Variants in PTPRR observed in about 807,000 individuals in gnomAD.
PTPRR encodes the protein receptor-type tyrosine-protein phosphatase R.
In PTPRR, 38 loss-of-function variants were observed where a neutral mutation model predicts 77.2. The ratio of observed to expected loss-of-function variants is 0.49; its 90% CI spans 0.38 to 0.65. PTPRR has a LOEUF of 0.65. PTPRR is among the 30% of genes least tolerant of loss of function. PTPRR has a pLI of 0.00. For synonymous variants in PTPRR, 299 were observed against 283.1 expected (o/e 1.06, Z -0.57); for missense variants, 744 against 799.2 (o/e 0.93, Z 0.83).
chr12:70,880,258 T>A (rs903104892), intron 2 of PTPRR, among the ~76,000 whole-genome samples: 7 of 152,104 alleles, frequency 4.6e-5, no homozygotes, highest in African/African-American at 1.4e-4. Flanking sequence ...GAGTATCACT[T>A]TTTTTTATAA....
At chr12:70,643,357 G>C (rs1385219753) in intron 13 of PTPRR, among the ~76,000 whole-genome samples, 1 of 151,888 alleles carries the variant, frequency 6.6e-6, no homozygotes, top group Non-Finnish European at 1.5e-5. Context: ...TTTTTTAAGA[G>C]AGAGAGAGGG....
At chr12:70,752,844 A>T (rs1204173128) in intron 5 of PTPRR, among the ~76,000 whole-genome samples, 2 of 152,174 alleles carry the variant, frequency 1.3e-5, no homozygotes, top group Non-Finnish European at 2.9e-5. Flanking sequence ...AATGCAATTA[A>T]CCATAACAAG....
At chr12:70,746,375 A>C (rs1890215244) in intron 5 of PTPRR, among the ~76,000 whole-genome samples, 1 of 152,222 alleles carries the variant, frequency 6.6e-6, no homozygotes, top group Non-Finnish European at 1.5e-5. Context: ...GAAAAATGCC[A>C]GATGTTAGTT....
intron 11 of PTPRR, chr12:70,661,312 T>C (rs1337133387): frequency 3.3e-5 from 21 of 629,380 alleles, no homozygotes; most frequent in Non-Finnish European, 5.8e-5. Flanking sequence ...CATACCTTTG[T>C]TGAGATTTAC....
intron 6 of PTPRR, among the ~76,000 whole-genome samples, chr12:70,737,440 A>G (rs1490008295): frequency 2.6e-5 from 4 of 152,018 alleles, no homozygotes; most frequent in Admixed American, 2.0e-4. Context: ...ATTTGACAGA[A>G]AATGAGAGAG....
intron 2 of PTPRR, among the ~76,000 whole-genome samples, chr12:70,807,376 T>A (rs1891728875): frequency 6.6e-6 from 1 of 152,142 alleles, no homozygotes; most frequent in Admixed American, 6.5e-5. Context: ...GCCCACCTTT[T>A]AAAAAAATGC....
intron 2 of PTPRR, among the ~76,000 whole-genome samples, chr12:70,853,110 C>T (rs1892597565): frequency 6.6e-6 from 1 of 152,150 alleles, no homozygotes; most frequent in African/African-American, 2.4e-5. Flanking sequence ...GGAGGAGAAA[C>T]AGGAACACAA....
intron 2 of PTPRR, among the ~76,000 whole-genome samples, chr12:70,775,148 A>C (rs1891062341): frequency 6.6e-6 from 1 of 152,244 alleles, no homozygotes; most frequent in Non-Finnish European, 1.5e-5. Context: ...GAGTTACTAC[A>C]TAAGAACAAT....
At chr12:70,838,015 G>T (rs956633170) in intron 2 of PTPRR, among the ~76,000 whole-genome samples, 3 of 152,034 alleles carry the variant, frequency 2.0e-5, no homozygotes, top group African/African-American at 7.2e-5. Context: ...ATATTACAGT[G>T]GAATATTATG....
intron 2 of PTPRR, among the ~76,000 whole-genome samples, chr12:70,803,479 C>G (rs1040329353): frequency 2.6e-5 from 4 of 152,088 alleles, no homozygotes; most frequent in Non-Finnish European, 2.9e-5. Context: ...AAGAGGCCAA[C>G]AAGTACTTCA....
chr12:70,830,389 A>C (rs953085650), intron 2 of PTPRR, among the ~76,000 whole-genome samples: 2 of 152,162 alleles, frequency 1.3e-5, no homozygotes, highest in Non-Finnish European at 2.9e-5. Context: ...CATAATAGGC[A>C]CTCAATAAAT....
chr12:70,850,480 C>T (rs1892554399), intron 2 of PTPRR, among the ~76,000 whole-genome samples: 1 of 152,118 alleles, frequency 6.6e-6, no homozygotes, highest in Admixed American at 6.6e-5. Flanking sequence ...AAAATGACTA[C>T]CTACCTCATT....
chr12:70,732,220 G>C (rs761690653), intron 6 of PTPRR, among the ~76,000 whole-genome samples: 1 of 152,164 alleles, frequency 6.6e-6, no homozygotes, highest in South Asian at 2.1e-4. Context: ...ATTAAGGTGG[G>C]TTTAAAATTC....
At chr12:70,836,073 C>T (rs1429482236) in intron 2 of PTPRR, among the ~76,000 whole-genome samples, 2 of 152,082 alleles carry the variant, frequency 1.3e-5, no homozygotes, top group Non-Finnish European at 2.9e-5. Context: ...ACTGGCCATC[C>T]TGTCTGTAGC....
chr12:70,800,261 T>C (rs1891590168), intron 2 of PTPRR, among the ~76,000 whole-genome samples: 1 of 147,164 alleles, frequency 6.8e-6, no homozygotes. Flanking sequence ...GACATACTGT[T>C]CTCTCTCTTT....
chr12:70,763,158 C>T (rs113529027), intron 3 of PTPRR, among the ~76,000 whole-genome samples: 4,525 of 150,690 alleles, frequency 0.03, 225 homozygotes, highest in African/African-American at 0.1. Flanking sequence ...GATGGAGTTT[C>T]GCTCTTGTTG....
At chr12:70,689,732 T>G (rs1190389423) in intron 8 of PTPRR, among the ~76,000 whole-genome samples, 1 of 152,140 alleles carries the variant, frequency 6.6e-6, no homozygotes, top group Non-Finnish European at 1.5e-5. Context: ...TACAGCGCCC[T>G]AAAAGCTTCT....
At chr12:70,733,313 A>G (rs953495448) in intron 6 of PTPRR, among the ~76,000 whole-genome samples, 1 of 151,752 alleles carries the variant, frequency 6.6e-6, no homozygotes, top group Non-Finnish European at 1.5e-5. Flanking sequence ...TTCTCAAGTT[A>G]AAGCTGTTTC....
intron 2 of PTPRR, among the ~76,000 whole-genome samples, chr12:70,768,801 C>T (rs867634974): frequency 6.6e-6 from 1 of 151,822 alleles, no homozygotes; most frequent in African/African-American, 2.4e-5. Flanking sequence ...CATCAAAAAG[C>T]TTATCCACCA....
Sources: gnomAD v4.1 joint callset for allele counts (sites outside exome capture counted in the v4.1 genomes callset) on GRCh38, gnomAD v4.1.1 for gene constraint, MANE v1.5 for transcripts, NCBI Gene and HGNC (gene_info 2026-07-23, HGNC 2026-07-21) for gene names.